Variants in CDH18 observed in about 807,000 individuals in gnomAD.
CDH18 encodes cadherin-18.
Under a neutral mutation model 67.9 loss-of-function variants are expected in CDH18, and 31 were observed. The ratio of observed to expected loss-of-function variants is 0.46; its 90% confidence interval spans 0.34 to 0.62. The LOEUF is 0.62. CDH18 is among the 20% of genes least tolerant of loss of function. The pLI, the probability that CDH18 is intolerant of heterozygous loss-of-function variation, is 0.01. For synonymous variants in CDH18, 362 were observed against 347.2 expected (o/e 1.04, Z -0.48); for missense variants, 890 against 975.5 (o/e 0.91, Z 1.17).
intron 3 of CDH18, among the ~76,000 whole-genome samples, chr5:19,828,805 G>C (rs1780704751): frequency 1.3e-5 from 2 of 152,156 alleles, no homozygotes; most frequent in Admixed American, 1.3e-4. Flanking sequence ...GGGAGGCCAA[G>C]GCGGGAGGAT....
At chr5:20,306,115 C>T (rs1736428695) in intron 1 of CDH18, among the ~76,000 whole-genome samples, 1 of 152,174 alleles carries the variant, frequency 6.6e-6, no homozygotes, top group African/African-American at 2.4e-5. Flanking sequence ...TCCTCAAATT[C>T]TATCCAGACA....
intron 5 of CDH18, among the ~76,000 whole-genome samples, chr5:19,693,372 G>A (rs1431625911): frequency 6.6e-6 from 1 of 152,068 alleles, no homozygotes; most frequent in Non-Finnish European, 1.5e-5. Flanking sequence ...TTTTTGAAGA[G>A]TTTAAAAAAT....
intron 1 of CDH18, among the ~76,000 whole-genome samples, chr5:20,268,557 A>G (rs1042757314): frequency 3.3e-5 from 5 of 152,092 alleles, no homozygotes; most frequent in Admixed American, 6.6e-5. Flanking sequence ...GAAACACAGA[A>G]AGACCCCATC....
At chr5:20,180,070 C>T (rs1340638335) in intron 2 of CDH18, among the ~76,000 whole-genome samples, 2 of 152,126 alleles carry the variant, frequency 1.3e-5, no homozygotes, top group Non-Finnish European at 2.9e-5. Flanking sequence ...CCAGGTTGGA[C>T]TGCCAGAATG....
intron 5 of CDH18, among the ~76,000 whole-genome samples, chr5:19,717,840 T>C (rs1307057814): frequency 6.6e-6 from 1 of 152,090 alleles, no homozygotes; most frequent in Non-Finnish European, 1.5e-5. Context: ...AAATAGCATA[T>C]GTATTTTATA....
chr5:19,872,782 C>T (rs114759579), intron 2 of CDH18, among the ~76,000 whole-genome samples: 517 of 152,192 alleles, frequency 3.4e-3, no homozygotes, highest in African/African-American at 0.012. Flanking sequence ...CATAAAAGCA[C>T]GGTAATTTGT....
At chr5:20,046,197 G>A (rs1026999679) in intron 2 of CDH18, among the ~76,000 whole-genome samples, 2 of 151,896 alleles carry the variant, frequency 1.3e-5, no homozygotes, top group African/African-American at 2.4e-5. Flanking sequence ...TTTGAAGATA[G>A]AGCCCATGGA....
intron 6 of CDH18, among the ~76,000 whole-genome samples, chr5:19,600,116 G>C (rs2683642): frequency 0.79 from 119,100 of 150,320 alleles, 47,390 homozygotes; most frequent in East Asian, 1. Context: ...AAACCAAACA[G>C]TGCATGTTCT....
chr5:19,844,352 G>T (rs1782682656), intron 2 of CDH18, among the ~76,000 whole-genome samples: 1 of 152,094 alleles, frequency 6.6e-6, no homozygotes, highest in Non-Finnish European at 1.5e-5. Context: ...ATAATGAGTT[G>T]TCATGAGATC....
chr5:19,731,810 G>C (rs759680809), intron 4 of CDH18, among the ~76,000 whole-genome samples: 11 of 152,100 alleles, frequency 7.2e-5, no homozygotes, highest in Non-Finnish European at 1.6e-4. Flanking sequence ...TAATGCATGA[G>C]TCTGCATGGT....
At chr5:20,394,635 G>A (rs1314107480) in intron 1 of CDH18, among the ~76,000 whole-genome samples, 1 of 152,090 alleles carries the variant, frequency 6.6e-6, no homozygotes, top group African/African-American at 2.4e-5. Context: ...AGTCATCAGA[G>A]TGAACATATA....
At chr5:20,492,984 G>T (rs570323796) in intron 1 of CDH18, among the ~76,000 whole-genome samples, 2 of 152,264 alleles carry the variant, frequency 1.3e-5, no homozygotes, top group South Asian at 4.1e-4. Flanking sequence ...TCTAGTAGAT[G>T]ATAAAGAGTT....
chr5:19,555,440 G>A (rs549946291), intron 8 of CDH18, among the ~76,000 whole-genome samples: 1 of 152,156 alleles, frequency 6.6e-6, no homozygotes, highest in Non-Finnish European at 1.5e-5. Flanking sequence ...CATGAGGGGA[G>A]TGAGACCAGC....
At chr5:19,502,615 T>C (rs1579847276) in intron 11 of CDH18, 1 of 400,626 alleles carries the variant, frequency 2.5e-6, no homozygotes, top group Non-Finnish European at 4.4e-6. Context: ...ATTGCAAGCA[T>C]TGCATTTCCT....
At chr5:20,334,675 A>C (rs1250670732) in intron 1 of CDH18, among the ~76,000 whole-genome samples, 1 of 151,388 alleles carries the variant, frequency 6.6e-6, no homozygotes, top group Non-Finnish European at 1.5e-5. Context: ...TAATATTTTA[A>C]ATTTATTAAA....
At chr5:20,209,215 G>A (rs1181858612) in intron 2 of CDH18, among the ~76,000 whole-genome samples, 1 of 152,070 alleles carries the variant, frequency 6.6e-6, no homozygotes, top group Non-Finnish European at 1.5e-5. Flanking sequence ...AATACTAAAC[G>A]TAGGATTATC....
intron 10 of CDH18, among the ~76,000 whole-genome samples, chr5:19,515,463 T>G (rs1470232023): frequency 2.0e-5 from 3 of 152,260 alleles, no homozygotes; most frequent in African/African-American, 7.2e-5. Flanking sequence ...ATGATATTGA[T>G]TCTTCCTATC....
chr5:19,746,913 T>G (rs770680826), intron 4 of CDH18, 29 bp downstream of exon 4: 1 of 1,588,612 alleles, frequency 6.3e-7, no homozygotes, highest in East Asian at 2.2e-5. Context: ...ATATGTTAAT[T>G]GCATAATCAC....
chr5:19,891,081 AC>A (rs772141361), intron 2 of CDH18, among the ~76,000 whole-genome samples: 17 of 152,070 alleles, frequency 1.1e-4, no homozygotes, highest in Non-Finnish European at 2.5e-4. Context: ...GTCAATTTCT[AC>A]CCTTGGCACT....
Sources: gnomAD v4.1 joint callset for allele counts (sites outside exome capture counted in the v4.1 genomes callset) on GRCh38, gnomAD v4.1.1 for gene constraint, MANE v1.5 for transcripts, NCBI Gene and HGNC (gene_info 2026-07-23, HGNC 2026-07-21) for gene names.